MMS22L: variants seen among roughly 807,000 people sequenced by gnomAD.
MMS22L encodes MMS22 like, DNA repair protein.
In MMS22L, 74 loss-of-function variants were observed where a neutral mutation model predicts 159.1. The ratio of observed to expected loss-of-function variants is 0.47; its 90% CI spans 0.39 to 0.56. The LOEUF (loss-of-function observed/expected upper bound fraction) is 0.56. MMS22L is among the 20% of genes least tolerant of loss of function. MMS22L has a pLI of 0.00. For synonymous variants in MMS22L, 517 were observed against 506.9 expected (o/e 1.02, Z -0.27); for missense variants, 1,351 against 1,422.1 (o/e 0.95, Z 0.80).
At chr6:97,180,304 T>C (rs1192538371) in intron 16 of MMS22L, among the ~76,000 whole-genome samples, 1 of 152,134 alleles carries the variant, frequency 6.6e-6, no homozygotes, top group East Asian at 1.9e-4. Context: ...CGTTTCACCG[T>C]GTTAGCCAGG....
intron 10 of MMS22L, 168 bp downstream of exon 10, chr6:97,254,389 T>C (rs1207016177): frequency 3.2e-6 from 2 of 618,958 alleles, no homozygotes; most frequent in Admixed American, 6.7e-5. Context: ...AATTAAAACA[T>C]AAACTTTATA....
chr6:97,282,180 C>T, intron 2 of MMS22L, 134 bp downstream of exon 2: 2 of 826,112 alleles, frequency 2.4e-6, no homozygotes, highest in Non-Finnish European at 3.8e-6. Context: ...ATCATTTGTA[C>T]CCTTATGATA....
At chr6:97,278,732 TG>T in intron 4 of MMS22L, 116 bp downstream of exon 4, 1 of 723,926 alleles carries the variant, frequency 1.4e-6, no homozygotes, top group Non-Finnish European at 2.2e-6. Context: ...CGTAAACTTC[TG>T]GCCTAATGCT....
chr6:97,213,007 G>T (rs774828467), intron 14 of MMS22L, among the ~76,000 whole-genome samples: 4 of 152,172 alleles, frequency 2.6e-5, no homozygotes, highest in Non-Finnish European at 4.4e-5. Flanking sequence ...TGAAGTTTGA[G>T]ATATTACACA....
At chr6:97,236,246 T>C (rs1028112598) in intron 11 of MMS22L, among the ~76,000 whole-genome samples, 5 of 150,292 alleles carry the variant, frequency 3.3e-5, no homozygotes, top group African/African-American at 4.9e-5. Flanking sequence ...GGAAAATCGC[T>C]TGAACCCGGG....
intron 18 of MMS22L, among the ~76,000 whole-genome samples, chr6:97,176,372 T>C (rs6926003): frequency 0.56 from 84,251 of 151,748 alleles, 24,495 homozygotes; most frequent in African/African-American, 0.73. Flanking sequence ...AAAAAACATG[T>C]ATTTCTCGGT....
chr6:97,157,880 T>C (rs1802024247), intron 22 of MMS22L, among the ~76,000 whole-genome samples: 1 of 152,130 alleles, frequency 6.6e-6, no homozygotes, highest in Non-Finnish European at 1.5e-5. Context: ...ATTGGAATAG[T>C]TTCACAAGGA....
At chr6:97,280,146 G>C (rs1816630014) in intron 3 of MMS22L, among the ~76,000 whole-genome samples, 1 of 152,032 alleles carries the variant, frequency 6.6e-6, no homozygotes, top group South Asian at 2.1e-4. Context: ...CTCTTCAAAA[G>C]GTTTCATGGG....
chr6:97,232,545 A>G (rs947197355), intron 12 of MMS22L, among the ~76,000 whole-genome samples: 5 of 152,110 alleles, frequency 3.3e-5, no homozygotes, highest in South Asian at 2.1e-4. Flanking sequence ...ATTCTTTCTT[A>G]TGCTCAAATT....
At chr6:97,262,795 T>C (rs1030392807) in intron 9 of MMS22L, among the ~76,000 whole-genome samples, 1 of 152,152 alleles carries the variant, frequency 6.6e-6, no homozygotes. Context: ...CAACAGACTG[T>C]TTTACTTACT....
intron 20 of MMS22L, among the ~76,000 whole-genome samples, chr6:97,166,766 A>T (rs531813706): frequency 2.0e-5 from 3 of 152,268 alleles, no homozygotes; most frequent in African/African-American, 7.2e-5. Context: ...TGGGTTTAAG[A>T]GGACCACATG....
intron 19 of MMS22L, among the ~76,000 whole-genome samples, chr6:97,169,545 G>A (rs957148057): frequency 6.6e-6 from 1 of 152,028 alleles, no homozygotes; most frequent in African/African-American, 2.4e-5. Flanking sequence ...AAAGTATACT[G>A]ATGTTAAAGA....
At chr6:97,156,765 C>T (rs1801895301) in intron 22 of MMS22L, among the ~76,000 whole-genome samples, 2 of 152,194 alleles carry the variant, frequency 1.3e-5, no homozygotes, top group Middle Eastern at 6.8e-3. Context: ...TAGCCTCCTG[C>T]TTTGTTCTTT....
intron 9 of MMS22L, chr6:97,259,470 C>T (rs1351753412): frequency 6.6e-6 from 1 of 152,082 alleles, no homozygotes; most frequent in Non-Finnish European, 1.5e-5. Context: ...AAAAGTCCTC[C>T]GAGGGTAGAG....
intron 23 of MMS22L, among the ~76,000 whole-genome samples, chr6:97,151,392 T>C (rs1194798443): frequency 1.3e-5 from 2 of 152,202 alleles, no homozygotes; most frequent in Non-Finnish European, 2.9e-5. Flanking sequence ...ACCATATAGC[T>C]TAGGTGCAGA....
intron 8 of MMS22L, chr6:97,266,652 T>C (rs1041292832): frequency 6.6e-6 from 1 of 152,232 alleles, no homozygotes; most frequent in African/African-American, 2.4e-5. Context: ...ATGACCCTAC[T>C]ATTCAGCCTT....
rs779581303 is a variant in MMS22L at position 97,179,399 on chromosome 6, C to CT, written c.2536+8dup. 6.2e-7 allele frequency: 1 copy of CT among 1,610,842 alleles called. No homozygotes were observed. Among genetic ancestry groups the CT allele is most frequent in the Non-Finnish European group, 8.5e-7 (1 of 1,178,454 alleles). On this transcript the variant is annotated intron_variant, in intron 17 of 24. Coordinates refer to ENST00000683635, the MANE Select transcript of MMS22L (RefSeq NM_001350599.2). ...CCCCATCCTCCCCAAAAAACGTACACTTACTTACCAACTGCCTCTTCCAGA... is the reference window on the plus strand; with the variant it reads ...CCCCATCCTCCCCAAAAAACGTACACTTTACTTACCAACTGCCTCTTCCAGA...
intron 14 of MMS22L, among the ~76,000 whole-genome samples, chr6:97,204,918 T>C (rs1299457565): frequency 6.7e-6 from 1 of 149,102 alleles, no homozygotes; most frequent in Non-Finnish European, 1.5e-5. Flanking sequence ...ATTTGTGCTT[T>C]GAGGGCCATG....
At chr6:97,155,560 G>C (rs750309288) in intron 22 of MMS22L, among the ~76,000 whole-genome samples, 1 of 152,066 alleles carries the variant, frequency 6.6e-6, no homozygotes, top group Non-Finnish European at 1.5e-5. Context: ...GAGAACACGC[G>C]GTGTTTGGTT....
Sources: allele counts gnomAD v4.1 joint callset (sites outside exome capture counted in the v4.1 genomes callset), GRCh38; gene constraint gnomAD v4.1.1; transcripts MANE v1.5; gene names NCBI Gene and HGNC (gene_info 2026-07-23, HGNC 2026-07-21).